The following SRGAP1 variants were observed in gnomAD, a reference collection of about 807,000 sequenced individuals.
The protein encoded by SRGAP1 is SLIT-ROBO Rho GTPase-activating protein 1.
SRGAP1 carries 43 observed loss-of-function variants against 121.9 expected under a neutral mutation model. The ratio of observed to expected loss-of-function variants is 0.35; its 90% CI spans 0.28 to 0.46. The LOEUF is 0.46. Among genes scored for constraint, SRGAP1 ranks in the 20% least tolerant of loss-of-function variants. The probability of loss-of-function intolerance (pLI) is 1.00; values close to 1 mark genes in which losing one functional copy is unlikely to be tolerated. For missense variants in SRGAP1, 1,102 were observed against 1,350.9 expected, an observed-to-expected ratio of 0.82 and a Z score of 2.89; for synonymous variants, 447 against 485.4, an observed-to-expected ratio of 0.92 and a Z score of 1.04.
At chr12:64,050,454 C>A (rs1231732945) in intron 6 of SRGAP1, among the ~76,000 whole-genome samples, 2 of 376 alleles carry the variant, frequency 5.3e-3, no homozygotes, top group Non-Finnish European at 0.012. Context: ...TTCTCTATGT[C>A]CCTATATATA....
In SRGAP1 at chr12:64,150,297, C is replaced by G. The variant is rs1371796578; in HGVS notation, c.*7625C>G. ...CGTCAGCTCTAGGATATTTGCGATC[C>G]AATTCTGGCGACTTATGGATGGATC... On this transcript the variant is annotated 3_prime_UTR_variant, in exon 22 of 22. Transcript: ENST00000355086. 6.6e-6 allele frequency: 1 copy of G among 152,148 alleles called. No homozygotes were observed. Among genetic ancestry groups the G allele is most frequent in the African/African-American group, 2.4e-5 (1 of 41,424 alleles). 9.4% of individuals were successfully genotyped at this position (152,148 alleles called of 1,614,324 possible).
Position 64,148,900 on chromosome 12 carries a change from T to TAATC in SRGAP1, c.*6230_*6233dup, listed in dbSNP as rs530112452. ...TCTGTGAATGTATCAGTATCCTGAC[T>TAATC]AATCACACCATGGTGTAGTTTTGCC... On this transcript the variant is annotated 3_prime_UTR_variant, in exon 22 of 22. Transcript: ENST00000355086. 6.8e-6 allele frequency: 1 copy of TAATC among 147,470 alleles called. No homozygotes were observed. The highest frequency in any genetic ancestry group is 1.5e-5 in the Non-Finnish European group (1 of 67,936). 9.1% of individuals were successfully genotyped at this position (147,470 alleles called of 1,614,324 possible). A position where few individuals can be genotyped will look rare whatever the true frequency, so the allele number is the denominator to read the frequency against.
chr12:64,139,966 C>A (rs2036930480), intron 21 of SRGAP1, among the ~76,000 whole-genome samples: 1 of 151,590 alleles, frequency 6.6e-6, no homozygotes, highest in Admixed American at 6.6e-5. Context: ...ATATGGCTAG[C>A]CAGTTTTCCC....
chr12:63,946,657 C>T (rs1368066493), intron 1 of SRGAP1, among the ~76,000 whole-genome samples: 1 of 151,770 alleles, frequency 6.6e-6, no homozygotes, highest in Non-Finnish European at 1.5e-5. Context: ...AATTCTTCTG[C>T]CTCAGCCTCC....
chr12:63,954,593 G>T (rs2032399741), intron 1 of SRGAP1, among the ~76,000 whole-genome samples: 1 of 151,126 alleles, frequency 6.6e-6, no homozygotes, highest in South Asian at 2.1e-4. Flanking sequence ...CAGGAGAATG[G>T]CGTGAACCCG....
intron 1 of SRGAP1, among the ~76,000 whole-genome samples, chr12:63,921,778 A>T (rs957447419): frequency 6.6e-6 from 1 of 152,172 alleles, no homozygotes; most frequent in African/African-American, 2.4e-5. Context: ...TTGTTGAATA[A>T]ATCAGTTGGG....
chr12:64,111,670 T>C (rs942556660), intron 16 of SRGAP1, 92 bp from the exon 17 acceptor site: 2 of 1,093,610 alleles, frequency 1.8e-6, no homozygotes, highest in African/African-American at 3.2e-5. Context: ...TTGAAGTATC[T>C]TATTAAAGTA....
Position 63,848,995 on chromosome 12 carries a change from A to G in SRGAP1, c.67+4112A>G, listed in dbSNP as rs889058142. On this transcript the variant is annotated intron_variant, in intron 1 of 21. Coordinates refer to ENST00000355086, the MANE Select transcript of SRGAP1 (RefSeq NM_020762.4). Reference sequence around the variant, plus strand: ...TTGTAAGACAGAAGAATCAGGAATGATACAAGTGGTTAAACAGTGGATAGG... The same window carrying G: ...TTGTAAGACAGAAGAATCAGGAATGGTACAAGTGGTTAAACAGTGGATAGG... 2.6e-5 allele frequency among the ~76,000 whole-genome samples: 4 copies of G among 152,238 alleles called. No individual in the cohort carries two copies. The East Asian group carries it at 7.7e-4, about 29-fold the overall frequency.
chr12:63,870,784 G>T (rs964257659), intron 1 of SRGAP1, among the ~76,000 whole-genome samples: 4 of 151,928 alleles, frequency 2.6e-5, no homozygotes, highest in African/African-American at 7.2e-5. Flanking sequence ...CAAGAAATCC[G>T]CCTGCCTCAC....
At chr12:63,864,558 A>T (rs1899559953) in intron 1 of SRGAP1, among the ~76,000 whole-genome samples, 1 of 152,190 alleles carries the variant, frequency 6.6e-6, no homozygotes, top group Non-Finnish European at 1.5e-5. Context: ...CTTGCCATTA[A>T]AATAGTGATA....
chr12:64,051,480 A>G (rs1211499758), intron 6 of SRGAP1, among the ~76,000 whole-genome samples: 2 of 152,214 alleles, frequency 1.3e-5, no homozygotes, highest in East Asian at 1.9e-4. Flanking sequence ...GTAAAAATTA[A>G]TAATGTAAAC....
chr12:63,931,291 C>G (rs1050374267), intron 1 of SRGAP1, among the ~76,000 whole-genome samples: 4 of 152,062 alleles, frequency 2.6e-5, no homozygotes, highest in African/African-American at 7.2e-5. Context: ...TTTCTCTGGG[C>G]CTAAGTTTCT....
intron 3 of SRGAP1, among the ~76,000 whole-genome samples, chr12:64,013,738 T>C (rs2034321925): frequency 6.6e-6 from 1 of 152,188 alleles, no homozygotes; most frequent in East Asian, 1.9e-4. Context: ...ATAGCACTGG[T>C]AGTAGGACTC....
At chr12:64,023,991 G>C (rs753225666) in intron 4 of SRGAP1, among the ~76,000 whole-genome samples, 2 of 152,188 alleles carry the variant, frequency 1.3e-5, no homozygotes, top group Non-Finnish European at 2.9e-5. Context: ...GAGGTGGTAG[G>C]AGGAGGGATA....
chr12:64,033,738 A>T (rs1211646420), intron 4 of SRGAP1, among the ~76,000 whole-genome samples: 1 of 151,374 alleles, frequency 6.6e-6, no homozygotes, highest in African/African-American at 2.4e-5. Flanking sequence ...ATAAATAAAT[A>T]AGACTGGGTG....
intron 1 of SRGAP1, among the ~76,000 whole-genome samples, chr12:63,951,743 A>G (rs1161562449): frequency 2.6e-5 from 4 of 152,246 alleles, no homozygotes; most frequent in Middle Eastern, 3.4e-3. Flanking sequence ...ATGTTGATGG[A>G]ATGAAGACAA....
At chr12:63,981,608 T>TA (rs752222784) in intron 1 of SRGAP1, among the ~76,000 whole-genome samples, 20 of 152,230 alleles carry the variant, frequency 1.3e-4, no homozygotes, top group Non-Finnish European at 2.5e-4. Context: ...GGAAAACACT[T>TA]ACTTTGATTG....
intron 1 of SRGAP1, among the ~76,000 whole-genome samples, chr12:63,860,674 T>C (rs1899413564): frequency 6.6e-6 from 1 of 152,244 alleles, no homozygotes; most frequent in South Asian, 2.1e-4. Context: ...ATATATTCTC[T>C]CTTTTTTCAT....
At chr12:64,082,469 A>C (rs1272721851) in intron 10 of SRGAP1, among the ~76,000 whole-genome samples, 26 of 133,642 alleles carry the variant, frequency 1.9e-4, no homozygotes, top group African/African-American at 6.5e-4. Flanking sequence ...TTTTTTTTTG[A>C]AATGGAGTTT....
Sources: allele counts gnomAD v4.1 joint callset (sites outside exome capture counted in the v4.1 genomes callset), GRCh38; gene constraint gnomAD v4.1.1; transcripts MANE v1.5; gene names NCBI Gene and HGNC (gene_info 2026-07-23, HGNC 2026-07-21).